RUNX1: variants seen among roughly 807,000 people sequenced by gnomAD.
RUNX1 encodes runt-related transcription factor 1.
Under a neutral mutation model 42.8 loss-of-function variants are expected in RUNX1, and 19 were observed. That is an observed-to-expected ratio of 0.44 (90% CI 0.31 to 0.65). RUNX1 has a LOEUF of 0.65. RUNX1 is among the 30% of genes least tolerant of loss of function. RUNX1 has a pLI of 0.07. For missense variants in RUNX1, 528 were observed against 672.0 expected (o/e 0.79, Z 2.37); for synonymous variants, 271 against 289.4 (o/e 0.94, Z 0.64).
At chr21:34,823,089 A>C (rs990456192) in intron 7 of RUNX1, among the ~76,000 whole-genome samples, 9 of 152,220 alleles carry the variant, frequency 5.9e-5, no homozygotes, top group Admixed American at 2.0e-4. Flanking sequence ...TAAAGAGGAC[A>C]TCATCCATAG....
intron 5 of RUNX1, among the ~76,000 whole-genome samples, chr21:34,865,363 A>C (rs749541902): frequency 3.3e-5 from 5 of 150,000 alleles, no homozygotes; most frequent in Non-Finnish European, 5.9e-5. Context: ...CCTAAACGCA[A>C]CTTGAACTTC....
rs1204996151 is a variant in RUNX1 at position 34,843,706 on chromosome 21, C to T, written c.614-9105G>A. The stretch of plus-strand genomic sequence containing the variant: ...CCCCCTGCACCATGCGCCCAAGACT[C>T]ACGGGACAAAAACCCAAACAAAACT... On this transcript the variant is annotated intron_variant, in intron 6 of 8. Coordinates refer to ENST00000675419, the MANE Select transcript of RUNX1 (RefSeq NM_001754.5). This position sits in a 1 kb window ranked among gnomAD's most constrained non-coding sequence, Gnocchi z 4.8. 6.6e-6 allele frequency among the ~76,000 whole-genome samples: 1 copy of T among 151,748 alleles called. No homozygotes were observed. Among genetic ancestry groups the T allele is most frequent in the East Asian group, 2.0e-4 (1 of 5,042 alleles).
chr21:35,014,019 G>A (rs529139586), intron 2 of RUNX1, among the ~76,000 whole-genome samples: 1 of 152,122 alleles, frequency 6.6e-6, no homozygotes, highest in African/African-American at 2.4e-5. Flanking sequence ...TTAACATTAT[G>A]GAAAAAAGGA....
chr21:34,948,261 C>A (rs1170457289), intron 2 of RUNX1, among the ~76,000 whole-genome samples: 1 of 152,178 alleles, frequency 6.6e-6, no homozygotes, highest in Non-Finnish European at 1.5e-5. Flanking sequence ...ACAACAGCTG[C>A]AGAAATTGCC....
intron 6 of RUNX1, among the ~76,000 whole-genome samples, chr21:34,853,867 C>T (rs2057459948): frequency 6.8e-6 from 1 of 148,046 alleles, no homozygotes; most frequent in South Asian, 2.1e-4. Context: ...GGCTGGAGTA[C>T]AGTGGCACCA....
At chr21:35,023,947 CTA>C (rs1272977458) in intron 2 of RUNX1, among the ~76,000 whole-genome samples, 1 of 149,302 alleles carries the variant, frequency 6.7e-6, no homozygotes, top group Non-Finnish European at 1.5e-5. Flanking sequence ...ATATATTTTA[CTA>C]TATTTATATA....
chr21:34,996,882 G>A (rs1847385053), intron 2 of RUNX1, among the ~76,000 whole-genome samples: 1 of 152,006 alleles, frequency 6.6e-6, no homozygotes, highest in Non-Finnish European at 1.5e-5. Context: ...AAACATAAGA[G>A]TTTAGATCTT....
At chr21:35,029,937 A>G (rs1230252315) in intron 2 of RUNX1, among the ~76,000 whole-genome samples, 1 of 152,202 alleles carries the variant, frequency 6.6e-6, no homozygotes, top group South Asian at 2.1e-4. Context: ...GCATCTGCCT[A>G]CTGGATGTTA....
chr21:35,035,763 T>G (rs1478143836), intron 2 of RUNX1, among the ~76,000 whole-genome samples: 3 of 152,186 alleles, frequency 2.0e-5, no homozygotes, highest in Non-Finnish European at 2.9e-5. Context: ...TGACGCGGAC[T>G]CCAGATTCAG....
intron 2 of RUNX1, among the ~76,000 whole-genome samples, chr21:34,992,435 G>C (rs1200775058): frequency 1.3e-5 from 2 of 152,126 alleles, no homozygotes; most frequent in East Asian, 3.9e-4. Flanking sequence ...TCCCTTTTTA[G>C]AAAATGAATC....
chr21:34,794,340 A>G (rs2056494902), intron 8 of RUNX1, among the ~76,000 whole-genome samples: 1 of 152,300 alleles, frequency 6.6e-6, no homozygotes, highest in African/African-American at 2.4e-5. Flanking sequence ...CTGCTGAGCG[A>G]ATGTCAGGGA....
intron 2 of RUNX1, among the ~76,000 whole-genome samples, chr21:34,928,754 G>A (rs2058416486): frequency 6.6e-6 from 1 of 151,800 alleles, no homozygotes; most frequent in South Asian, 2.1e-4. Flanking sequence ...TGTTTCTTGA[G>A]ATAAAGATCT....
chr21:35,021,645 G>A (rs2059199102), intron 2 of RUNX1, among the ~76,000 whole-genome samples: 1 of 152,232 alleles, frequency 6.6e-6, no homozygotes, highest in South Asian at 2.1e-4. Context: ...TGGAGAAAGA[G>A]CCCATCTGGG....
At chr21:34,870,755 C>G (rs2057725057) in intron 5 of RUNX1, among the ~76,000 whole-genome samples, 1 of 152,168 alleles carries the variant, frequency 6.6e-6, no homozygotes, top group Middle Eastern at 3.4e-3. Context: ...GTCAAGAGAT[C>G]GAGACCATCC....
At chr21:34,928,284 G>C (rs1183529257) in intron 2 of RUNX1, among the ~76,000 whole-genome samples, 3 of 152,082 alleles carry the variant, frequency 2.0e-5, no homozygotes, top group African/African-American at 7.2e-5. Flanking sequence ...TAGAGCTCTA[G>C]GTTTATACTG....
In RUNX1 at chr21:35,010,627, A is replaced by G. The variant is rs778832610; in HGVS notation, c.58+38215T>C. ...CACTACCGTGAGTACACACACACGC[A>G]CACACACACACACACACACACACAC... On this transcript the variant is annotated intron_variant, in intron 2 of 8. Coordinates refer to ENST00000675419, the MANE Select transcript of RUNX1 (RefSeq NM_001754.5). Among the ~76,000 whole-genome samples the G allele has an allele frequency of 1.1e-3, 139 of 124,400 alleles. 1 individual carries two copies. Among genetic ancestry groups the G allele is most frequent in the Admixed American group, 2.2e-3 (24 of 10,702 alleles). The allele number at this position is 124,400 out of a possible 152,430, so 81.6% of individuals were successfully genotyped here. A position where few individuals can be genotyped will look rare whatever the true frequency, so the allele number is the denominator to read the frequency against.
At chr21:34,924,588 C>T (rs185623277) in intron 2 of RUNX1, among the ~76,000 whole-genome samples, 52 of 152,240 alleles carry the variant, frequency 3.4e-4, no homozygotes, top group Middle Eastern at 3.4e-3. Context: ...GACTCCTATG[C>T]GGTTTAGTAT....
intron 3 of RUNX1, chr21:34,888,609 G>A: frequency 9.5e-7 from 1 of 1,057,976 alleles, no homozygotes; most frequent in Non-Finnish European, 1.1e-6. Flanking sequence ...GAAGTGCCTG[G>A]CGGCGCAGGG....
At chr21:34,811,969 C>G (rs890239406) in intron 7 of RUNX1, among the ~76,000 whole-genome samples, 1 of 151,898 alleles carries the variant, frequency 6.6e-6, no homozygotes, top group Non-Finnish European at 1.5e-5. Flanking sequence ...CCCTCTATAC[C>G]CCCGAGAAAT....
Sources: gnomAD v4.1 joint callset for allele counts (sites outside exome capture counted in the v4.1 genomes callset) on GRCh38, gnomAD v4.1.1 for gene constraint, Gnocchi (gnomAD v3.1) non-coding constraint, MANE v1.5 for transcripts, NCBI Gene and HGNC (gene_info 2026-07-23, HGNC 2026-07-21) for gene names.